CIMIP4: variants seen among roughly 807,000 people sequenced by gnomAD.
The protein encoded by CIMIP4 is protein EAN57.
At chr22:37,001,952 A>G in the CIMIP4 span, 1 of 1,613,862 alleles carries the variant, frequency 6.2e-7, no homozygotes, top group Non-Finnish European at 8.5e-7. Context: ...CTGAGCCCCC[A>G]AGCTGGGACC....
chr22:37,000,061 T>A, the CIMIP4 span: 1 of 1,527,858 alleles, frequency 6.5e-7, no homozygotes, highest in Admixed American at 2.0e-5. Flanking sequence ...CAACTCCTCC[T>A]CCCTTGACCC....
the CIMIP4 span, among the ~76,000 whole-genome samples, chr22:36,995,470 G>C: frequency 6.6e-6 from 1 of 152,072 alleles, no homozygotes; most frequent in Non-Finnish European, 1.5e-5. Flanking sequence ...ATACACAAAG[G>C]GCCACTCACC....
chr22:37,003,956 C>T, the CIMIP4 span: 7 of 1,548,702 alleles, frequency 4.5e-6, no homozygotes, highest in Admixed American at 7.9e-5. Flanking sequence ...CCCTGGTCTG[C>T]CTGTCCTACC....
the CIMIP4 span, among the ~76,000 whole-genome samples, chr22:36,998,575 A>T: frequency 6.6e-6 from 1 of 152,182 alleles, no homozygotes; most frequent in Non-Finnish European, 1.5e-5. Context: ...ATAGCTAGGG[A>T]GGTGACTTAG....
chr22:37,002,374 G>A, the CIMIP4 span: 15 of 884,890 alleles, frequency 1.7e-5, no homozygotes, highest in African/African-American at 2.3e-4. Flanking sequence ...GTAGAGGGTG[G>A]GGAGGGGGCA....
At chr22:36,997,757 G>A in the CIMIP4 span, among the ~76,000 whole-genome samples, 5 of 152,166 alleles carry the variant, frequency 3.3e-5, no homozygotes, top group Non-Finnish European at 7.3e-5. Flanking sequence ...ATCTCACTCC[G>A]AGTAAAGACC....
the CIMIP4 span, chr22:36,991,408 G>A: frequency 6.4e-7 from 1 of 1,569,754 alleles, no homozygotes; most frequent in Admixed American, 1.7e-5. Context: ...GTTTCTCTCT[G>A]ACCCTTAGAG....
chr22:37,001,737 T>C, the CIMIP4 span: 1 of 1,227,070 alleles, frequency 8.1e-7, no homozygotes, highest in Non-Finnish European at 1.1e-6. Context: ...GATACTGCTT[T>C]CTAGTGGTAT....
the CIMIP4 span, among the ~76,000 whole-genome samples, chr22:37,005,406 A>T: frequency 4.6e-5 from 7 of 152,244 alleles, no homozygotes; most frequent in Admixed American, 3.3e-4. Context: ...GCAGCAATAC[A>T]TAGCTAATAC....
the CIMIP4 span, chr22:37,001,737 T>A: frequency 8.1e-7 from 1 of 1,227,070 alleles, no homozygotes. Context: ...GATACTGCTT[T>A]CTAGTGGTAT....
the CIMIP4 span, among the ~76,000 whole-genome samples, chr22:36,994,514 C>T: frequency 2.6e-5 from 4 of 152,006 alleles, no homozygotes; most frequent in South Asian, 8.3e-4. Context: ...TTAGTAGAGA[C>T]ATGCGCCATC....
the CIMIP4 span, among the ~76,000 whole-genome samples, chr22:36,997,450 C>A: frequency 1.8e-3 from 280 of 152,334 alleles, 2 homozygotes; most frequent in Admixed American, 3.3e-3. Context: ...ATATTCTTTT[C>A]TCTCTGCCTT....
chr22:36,991,338 C>T, the CIMIP4 span: 6 of 1,586,812 alleles, frequency 3.8e-6, no homozygotes, highest in Non-Finnish European at 5.2e-6. Flanking sequence ...TGGAGTTGCC[C>T]AGACCCCAGG....
At chr22:36,994,575 G>T in the CIMIP4 span, among the ~76,000 whole-genome samples, 1 of 150,108 alleles carries the variant, frequency 6.7e-6, no homozygotes, top group South Asian at 2.1e-4. Flanking sequence ...CACCATATTG[G>T]CCAGGATGAT....
the CIMIP4 span, chr22:37,001,839 G>C: frequency 1.3e-6 from 2 of 1,575,922 alleles, no homozygotes; most frequent in Non-Finnish European, 8.6e-7. Context: ...TATGACACCT[G>C]CTCCTCGGAG....
chr22:37,001,231 T>C, the CIMIP4 span, among the ~76,000 whole-genome samples: 1 of 151,598 alleles, frequency 6.6e-6, no homozygotes, highest in Non-Finnish European at 1.5e-5. Flanking sequence ...CTGCCATGAA[T>C]GCAGGCTGGG....
At chr22:36,996,822 T>C in the CIMIP4 span, among the ~76,000 whole-genome samples, 2 of 152,158 alleles carry the variant, frequency 1.3e-5, no homozygotes, top group South Asian at 4.1e-4. Context: ...AAATGTAATA[T>C]TAGACCAATG....
At chr22:36,993,586 G>A in the CIMIP4 span, among the ~76,000 whole-genome samples, 98 of 151,280 alleles carry the variant, frequency 6.5e-4, no homozygotes, top group African/African-American at 2.3e-3. Flanking sequence ...AAAATTAGCC[G>A]GGCGTTGTGG....
the CIMIP4 span, among the ~76,000 whole-genome samples, chr22:37,000,688 T>C: frequency 2.0e-5 from 3 of 152,084 alleles, no homozygotes; most frequent in Non-Finnish European, 2.9e-5. Flanking sequence ...GTGACATAAG[T>C]TACAGATGGG....
Sources: gnomAD v4.1 joint callset for allele counts (sites outside exome capture counted in the v4.1 genomes callset) on GRCh38, gnomAD v4.1.1 for gene constraint, MANE v1.5 for transcripts, NCBI Gene and HGNC (gene_info 2026-07-23, HGNC 2026-07-21) for gene names.